FGFR2: variants seen among roughly 807,000 people sequenced by gnomAD.
The protein encoded by FGFR2 is BEK fibroblast growth factor receptor.
Under a neutral mutation model 95.9 loss-of-function variants are expected in FGFR2, and 19 were observed. That is an observed-to-expected ratio of 0.20 (90% confidence interval 0.14 to 0.29). FGFR2 has a LOEUF of 0.29. Ranked by LOEUF, FGFR2 falls within the 10% of genes least tolerant of loss-of-function variation. The pLI, the probability that FGFR2 is intolerant of heterozygous loss-of-function variation, is 1.00. For missense variants in FGFR2, 707 were observed against 1,056.9 expected (o/e 0.67, Z 4.59); for synonymous variants, 392 against 393.3 (o/e 1.00, Z 0.04).
chr10:121,589,545 T>C (rs1001060508), intron 2 of FGFR2, among the ~76,000 whole-genome samples: 2 of 152,218 alleles, frequency 1.3e-5, no homozygotes, highest in African/African-American at 4.8e-5. Flanking sequence ...CTCTGTCTTT[T>C]AACTGGTTGA....
intron 8 of FGFR2, among the ~76,000 whole-genome samples, chr10:121,516,017 T>C (rs1849664195): frequency 6.6e-6 from 1 of 152,114 alleles, no homozygotes; most frequent in African/African-American, 2.4e-5. Context: ...TATATTGTTA[T>C]GTCACTACAG....
chr10:121,595,415 A>G lies in FGFR2; in HGVS notation c.-150-1448T>C, dbSNP rs41301561. On this transcript the variant is annotated intron_variant, in intron 1 of 17. Transcript: ENST00000358487. ...GGTGTGATTCACAGCAAAAGCAAGA[A>G]AAGTATGTGTGCAGTGTGTGTGTGT... 1.3e-3 allele frequency among the ~76,000 whole-genome samples: 195 copies of G among 152,326 alleles called. 1 individual carries two copies. In the East Asian group the frequency reaches 0.031, roughly 24 times the overall value.
At chr10:121,563,510 C>T (rs563976419) in intron 4 of FGFR2, among the ~76,000 whole-genome samples, 1 of 152,226 alleles carries the variant, frequency 6.6e-6, no homozygotes, top group African/African-American at 2.4e-5. Context: ...TCCCAATACC[C>T]TATGTACAAA....
chr10:121,570,348 C>A (rs889755177), intron 2 of FGFR2, among the ~76,000 whole-genome samples: 1 of 152,182 alleles, frequency 6.6e-6, no homozygotes, highest in South Asian at 2.1e-4. Context: ...CCCCAGGCTG[C>A]GCGGAGCCAG....
At chr10:121,521,577 TCA>T (rs1850547475) in intron 6 of FGFR2, among the ~76,000 whole-genome samples, 1 of 7,468 alleles carries the variant, frequency 1.3e-4, no homozygotes, top group African/African-American at 1.8e-4. Flanking sequence ...GAAATGCAAA[TCA>T]GACGAGATCG....
At chr10:121,557,638 A>G (rs1256652152) in intron 4 of FGFR2, among the ~76,000 whole-genome samples, 4 of 152,150 alleles carry the variant, frequency 2.6e-5, no homozygotes, top group African/African-American at 7.2e-5. Context: ...TTTTCATTAC[A>G]AAGGGAATTT....
chr10:121,482,720 T>C (rs1844919454), intron 17 of FGFR2, among the ~76,000 whole-genome samples: 3 of 152,236 alleles, frequency 2.0e-5, no homozygotes, highest in African/African-American at 7.2e-5. Flanking sequence ...TATCTGCATA[T>C]TGAAGGAGCC....
chr10:121,527,115 G>A (rs1053463080), intron 6 of FGFR2, among the ~76,000 whole-genome samples: 4 of 152,234 alleles, frequency 2.6e-5, no homozygotes, highest in Admixed American at 2.0e-4. Flanking sequence ...TAAAGTGCTG[G>A]CTGGGCTCAG....
rs74160629 is a variant in FGFR2 at position 121,579,064 on chromosome 10, C to T, written c.110-13360G>A. ...TGTCCAAGGATGAGACTTTGAGACC[C>T]GCCTCTGCCAGTAGTGAACGTGTCA... is the stretch of plus-strand genomic sequence containing the variant. On this transcript the variant is annotated intron_variant, in intron 2 of 17. Coordinates refer to ENST00000358487, the MANE Select transcript of FGFR2 (RefSeq NM_000141.5). Among the ~76,000 whole-genome samples the T allele has an allele frequency of 8.2e-3, 1,256 of 152,304 alleles. 17 individuals carry two copies. Among genetic ancestry groups the T allele is most frequent in the African/African-American group, 0.029 (1,190 of 41,558 alleles).
chr10:121,519,741 T>C (rs1850223337), intron 7 of FGFR2, among the ~76,000 whole-genome samples: 2 of 152,236 alleles, frequency 1.3e-5, no homozygotes, highest in South Asian at 4.1e-4. Flanking sequence ...TGAACTATTC[T>C]CTCTCCAAGT....
At chr10:121,582,708 G>A (rs1410563624) in intron 2 of FGFR2, among the ~76,000 whole-genome samples, 2 of 152,058 alleles carry the variant, frequency 1.3e-5, no homozygotes, top group South Asian at 4.2e-4. Flanking sequence ...GCTTGAACCC[G>A]CGAGGCAGAG....
intron 13 of FGFR2, among the ~76,000 whole-genome samples, chr10:121,488,716 T>C (rs1234791092): frequency 2.0e-5 from 3 of 152,152 alleles, no homozygotes; most frequent in Non-Finnish European, 4.4e-5. Flanking sequence ...AATAACCATA[T>C]TCTCTTCTAC....
In FGFR2 at chr10:121,564,545, G is replaced by A. The variant is rs763704465; in HGVS notation, c.411C>T (p.Thr137=). The change falls in exon 4 of 18, where the codon ACC becomes ACT. Residue 137 remains threonine, a synonymous_variant. Coordinates refer to ENST00000358487, the MANE Select transcript of FGFR2 (RefSeq NM_000141.5). ...CACTGACAAAATCTTCCGCACCATC[G>A]GTGTCATCCTCATCATCTCCGGATG... ...AISSGDDEDD[T]DGAEDFVSEN... 5.0e-6 allele frequency: 8 copies of A among 1,613,764 alleles called. No individual in the cohort carries two copies. Among genetic ancestry groups the A allele is most frequent in the African/African-American group, 2.7e-5 (2 of 74,868 alleles).
At chr10:121,534,079 G>T (rs892165917) in intron 6 of FGFR2, among the ~76,000 whole-genome samples, 1 of 147,204 alleles carries the variant, frequency 6.8e-6, no homozygotes, top group Admixed American at 6.7e-5. Context: ...ACGTCTGTAG[G>T]TCCCAAAATG....
In FGFR2 at chr10:121,595,457, C is replaced by A. The variant is rs3135714; in HGVS notation, c.-150-1490G>T. On this transcript the variant is annotated intron_variant, in intron 1 of 17. Transcript: ENST00000358487. ...TGTGTGTGTGTACACGGTGTGTGTG[C>A]GTGCATGGTGTGTGTGTATGCACGG... Among the ~76,000 whole-genome samples, 62 of 151,866 alleles carry A rather than the reference C, an allele frequency of 4.1e-4. 3 individuals are homozygous for A. The highest frequency in any genetic ancestry group is 4.1e-3 in the Admixed American group (62 of 15,238).
rs145134141 is a variant in FGFR2 at position 121,540,939 on chromosome 10, G to A, written c.625-2224C>T. 1.7e-3 allele frequency among the ~76,000 whole-genome samples: 252 copies of A among 152,062 alleles called. 5 individuals are homozygous for A. The highest frequency in any genetic ancestry group is 2.3e-3 in the Non-Finnish European group (155 of 68,012). On this transcript the variant is annotated intron_variant, in intron 5 of 17. Coordinates refer to ENST00000358487, the MANE Select transcript of FGFR2 (RefSeq NM_000141.5). Reference sequence around the variant, plus strand: ...ACAGGGAGGGGACATCGCCTGACTCGGCTGACACATTAAATCTTGGCATAT... The same window carrying A: ...ACAGGGAGGGGACATCGCCTGACTCAGCTGACACATTAAATCTTGGCATAT...
intron 6 of FGFR2, among the ~76,000 whole-genome samples, chr10:121,535,851 C>T (rs1371317572): frequency 6.6e-6 from 1 of 152,174 alleles, no homozygotes. Context: ...TTAAATTACA[C>T]GGCTTTTACA....
At chr10:121,558,700 C>T (rs1429672640) in intron 4 of FGFR2, among the ~76,000 whole-genome samples, 3 of 151,794 alleles carry the variant, frequency 2.0e-5, no homozygotes, top group East Asian at 1.9e-4. Context: ...CTCCACTTCC[C>T]GGGTTCAAGT....
intron 6 of FGFR2, 68 bp downstream of exon 6, chr10:121,538,524 A>T (rs1299676290): frequency 6.2e-7 from 1 of 1,607,924 alleles, no homozygotes; most frequent in African/African-American, 1.3e-5. Context: ...CTTAACGTTC[A>T]TGCTTTCAAA....
Sources: gnomAD v4.1 joint callset for allele counts (sites outside exome capture counted in the v4.1 genomes callset) on GRCh38, gnomAD v4.1.1 for gene constraint, MANE v1.5 for transcripts, NCBI Gene and HGNC (gene_info 2026-07-23, HGNC 2026-07-21) for gene names.